Variants in TMEM150B observed in about 807,000 individuals in gnomAD.
TMEM150B encodes transmembrane protein 150B.
TMEM150B carries 33 observed loss-of-function variants against 25.2 expected under a neutral mutation model. The observed-to-expected ratio is 1.31, with a 90% CI of 0.99 to 1.75. TMEM150B has a LOEUF of 1.75. Ranked by LOEUF, TMEM150B falls within the 40% of genes most tolerant of loss-of-function variation. The probability of loss-of-function intolerance (pLI) is 0.00; values close to 1 mark genes in which losing one functional copy is unlikely to be tolerated. For synonymous variants in TMEM150B, 133 were observed against 134.8 expected, an observed-to-expected ratio of 0.99 and a Z score of 0.09; for missense variants, 322 against 306.1, an observed-to-expected ratio of 1.05 and a Z score of -0.39.
chr19:55,318,474 A>G (rs2089079404), intron 6 of TMEM150B, among the ~76,000 whole-genome samples: 1 of 152,138 alleles, frequency 6.6e-6, no homozygotes, highest in Non-Finnish European at 1.5e-5. Flanking sequence ...TCTACTAAAA[A>G]TACAAAAAAA....
At chr19:55,310,107 AC>A (rs1369241164), downstream of TMEM150B, among the ~76,000 whole-genome samples, 1 of 152,130 alleles carries the variant, frequency 6.6e-6, no homozygotes, top group African/African-American at 2.4e-5. The surrounding 1 kb of genome is among the most constrained non-coding windows in gnomAD (Gnocchi z 5.0). Context: ...AGCTGGTTTC[AC>A]CCCGTGTTTG....
intron 7 of TMEM150B, among the ~76,000 whole-genome samples, chr19:55,315,760 CAA>C (rs1224362945): frequency 1.8e-4 from 15 of 81,846 alleles, no homozygotes; most frequent in Non-Finnish European, 1.8e-4. Flanking sequence ...GACTCCGTCT[CAA>C]AAAAAAAAAA....
chr19:55,320,280 T>C (rs1001490473), intron 5 of TMEM150B, 111 bp downstream of exon 5: 4 of 1,509,960 alleles, frequency 2.6e-6, no homozygotes, highest in Non-Finnish European at 3.6e-6. Flanking sequence ...TCCCGGATTT[T>C]GGGGAAAGAG....
intron 7 of TMEM150B, among the ~76,000 whole-genome samples, chr19:55,314,028 G>A (rs1359840430): frequency 6.6e-6 from 1 of 152,070 alleles, no homozygotes; most frequent in Non-Finnish European, 1.5e-5. Context: ...AGCGAGACCT[G>A]GTCTTTTTTT....
chr19:55,322,614 C>T, intron 2 of TMEM150B, 34 bp downstream of exon 2: 2 of 971,470 alleles, frequency 2.1e-6, no homozygotes, highest in Non-Finnish European at 2.4e-6. Context: ...CTCCGTGCAC[C>T]TCCCAGCCTC....
downstream of TMEM150B, chr19:55,312,380 GC>G (rs1485764683): frequency 5.0e-6 from 1 of 198,152 alleles, no homozygotes; most frequent in Non-Finnish European, 1.0e-5. Context: ...TCCGGACAGG[GC>G]CCTCTGTCCC....
intron 7 of TMEM150B, 33 bp from the exon 8 acceptor site, chr19:55,313,088 T>C (rs750675671): frequency 6.9e-5 from 109 of 1,574,672 alleles, no homozygotes; most frequent in Non-Finnish European, 9.3e-5. Flanking sequence ...ACTGCTACCG[T>C]GACAGACGCG....
chr19:55,315,444 A>T (rs1270187036), intron 7 of TMEM150B, among the ~76,000 whole-genome samples: 3 of 151,898 alleles, frequency 2.0e-5, no homozygotes, highest in African/African-American at 7.3e-5. Flanking sequence ...AGCCTGGCCA[A>T]TATGATGAAA....
intron 3 of TMEM150B, 116 bp downstream of exon 3, chr19:55,320,853 C>T: frequency 7.4e-7 from 1 of 1,351,090 alleles, no homozygotes; most frequent in South Asian, 1.4e-5. Context: ...CCAGCTCCTC[C>T]TCCCTCAGAT....
At chr19:55,324,421 G>A (rs34091814) in intron 1 of TMEM150B, among the ~76,000 whole-genome samples, 43,256 of 151,408 alleles carry the variant, frequency 0.29, 8,290 homozygotes, top group African/African-American at 0.56. Flanking sequence ...AGGCCGAGGT[G>A]GGCAGATCAT....
intron 1 of TMEM150B, chr19:55,324,703 T>C: frequency 1.0e-6 from 1 of 982,462 alleles, no homozygotes; most frequent in Non-Finnish European, 1.2e-6. Flanking sequence ...CCTGTCCCAG[T>C]GGGGCTGATA....
chr19:55,313,518 C>A (rs1241847323), intron 7 of TMEM150B, among the ~76,000 whole-genome samples: 1 of 152,156 alleles, frequency 6.6e-6, no homozygotes, highest in Admixed American at 6.5e-5. Flanking sequence ...CCTGCTCACT[C>A]CCAGAGCCTA....
intron 6 of TMEM150B, 99 bp from the exon 7 acceptor site, chr19:55,317,065 C>T: frequency 9.2e-7 from 1 of 1,090,094 alleles, no homozygotes; most frequent in Non-Finnish European, 1.3e-6. Context: ...AGACAGTGGT[C>T]ACCAACTTTC....
chr19:55,310,497 C>T (rs1051804143), downstream of TMEM150B, among the ~76,000 whole-genome samples: 1 of 152,162 alleles, frequency 6.6e-6, no homozygotes, highest in African/African-American at 2.4e-5. The surrounding 1 kb of genome is among the most constrained non-coding windows in gnomAD (Gnocchi z 5.0). Flanking sequence ...CACAAGTTCT[C>T]GGTATTTGCA....
downstream of TMEM150B, chr19:55,312,533 CAA>C (rs372052269): frequency 5.0e-4 from 13 of 25,746 alleles, no homozygotes; most frequent in African/African-American, 2.1e-3. Context: ...CCGCCGGCGG[CAA>C]AAAAAAAAAA....
At position 55,316,805 on chromosome 19, in the gene TMEM150B, G is replaced by A; in HGVS notation, c.486C>T (p.Cys162=). The change falls in exon 7 of 8, where the codon TGC becomes TGT. Residue 162 remains cysteine, a synonymous_variant. Coordinates refer to ENST00000326652, the MANE Select transcript of TMEM150B (RefSeq NM_001282011.2). ...GGATACTGGCCACAATGAGGATGGT[G>A]CAGACGCTGCAGAGGCCCAGGCGGA... is the stretch of plus-strand genomic sequence containing the variant. ...GPLRLGLCSV[C]TILIVAMIVL... 1 of 1,560,134 alleles carries A rather than the reference G, an allele frequency of 6.4e-7. No homozygotes were observed. Among genetic ancestry groups the A allele is most frequent in the East Asian group, 2.3e-5 (1 of 42,638 alleles).
Position 55,316,900 on chromosome 19 carries a change from A to G in TMEM150B, c.391T>C (p.Phe131Leu). The change falls in exon 7 of 8, where the codon TTC becomes CTC. Residue 131 changes from phenylalanine to leucine, a missense_variant. By Grantham distance (22) the Phe-to-Leu change is conservative (BLOSUM62 0). Coordinates refer to ENST00000326652, the MANE Select transcript of TMEM150B (RefSeq NM_001282011.2). ...FLAFILGNVY[F>L]WLQLLLWRLK... ...CTCCACAGGAGGAGCTGCAGCCAGA[A>G]GTAGACGTTACCCAAGATGAAGGCA... 1 of 1,607,136 alleles carries G rather than the reference A, an allele frequency of 6.2e-7. No homozygotes were observed. Among genetic ancestry groups the G allele is most frequent in the Non-Finnish European group, 8.5e-7 (1 of 1,177,650 alleles).
intron 6 of TMEM150B, among the ~76,000 whole-genome samples, chr19:55,319,181 G>A (rs935698379): frequency 1.3e-5 from 2 of 151,976 alleles, no homozygotes; most frequent in Non-Finnish European, 2.9e-5. Flanking sequence ...GCATGGTCTC[G>A]GCTCAATGCA....
chr19:55,312,686 G>T, downstream of TMEM150B: 1 of 743,184 alleles, frequency 1.3e-6, no homozygotes, highest in Non-Finnish European at 2.1e-6. Flanking sequence ...GCCACCAGCT[G>T]TTCAGAGGCC....
Sources: allele counts gnomAD v4.1 joint callset (sites outside exome capture counted in the v4.1 genomes callset), GRCh38; gene constraint gnomAD v4.1.1; non-coding constraint Gnocchi (gnomAD v3.1); transcripts MANE v1.5; gene names NCBI Gene and HGNC (gene_info 2026-07-23, HGNC 2026-07-21).